Variants in FIG4 observed in about 807,000 individuals in gnomAD.
FIG4 encodes the protein FIG4 phosphoinositide 5-phosphatase.
FIG4 carries 112 observed loss-of-function variants against 118.6 expected under a neutral mutation model. The ratio of observed to expected loss-of-function variants is 0.94; its 90% confidence interval spans 0.81 to 1.11. The LOEUF is 1.11. Ranked by LOEUF, FIG4 falls within the 50% of genes least tolerant of loss-of-function variation. The pLI, the probability that FIG4 is intolerant of heterozygous loss-of-function variation, is 0.00. For synonymous variants in FIG4, 369 were observed against 381.2 expected, an observed-to-expected ratio of 0.97 and a Z score of 0.37; for missense variants, 969 against 1,111.7, an observed-to-expected ratio of 0.87 and a Z score of 1.83.
rs1777775204 is a variant in FIG4, at chr6:109,780,711, T to G, written c.1889+3651T>G. ...ACTGTGTTTATCAATGATACAGGAA[T>G]GGTATAGATAATGGCGTGGCATATC... On this transcript the variant is annotated intron_variant, in intron 16 of 22. Coordinates refer to ENST00000230124, the MANE Select transcript of FIG4 (RefSeq NM_014845.6). Among the ~76,000 whole-genome samples, 3 of 152,210 alleles carry G rather than the reference T, an allele frequency of 2.0e-5. No individual in the cohort carries two copies. In the South Asian group the frequency reaches 6.2e-4, roughly 32 times the overall value.
intron 10 of FIG4, among the ~76,000 whole-genome samples, chr6:109,752,426 A>G (rs1358631944): frequency 1.3e-5 from 2 of 151,846 alleles, no homozygotes; most frequent in Non-Finnish European, 2.9e-5. Context: ...TGACTTCCAC[A>G]ATGGTTGAAC....
chr6:109,803,704 G>A (rs1222498618), intron 22 of FIG4, among the ~76,000 whole-genome samples: 4 of 151,496 alleles, frequency 2.6e-5, no homozygotes, highest in Non-Finnish European at 4.4e-5. Context: ...GTGCCATGTT[G>A]GTGTGCTGCA....
chr6:109,794,320 G>T (rs568258901), intron 21 of FIG4, among the ~76,000 whole-genome samples: 1 of 152,146 alleles, frequency 6.6e-6, no homozygotes, highest in Non-Finnish European at 1.5e-5. Context: ...TCTGGGTACC[G>T]TGGGATTTTA....
intron 10 of FIG4, among the ~76,000 whole-genome samples, chr6:109,752,647 G>C (rs1776746281): frequency 1.3e-5 from 2 of 152,170 alleles, no homozygotes; most frequent in South Asian, 4.1e-4. Flanking sequence ...CTTTTGAGAA[G>C]TGTCTGTTCA....
chr6:109,801,431 C>T (rs1778424137), intron 22 of FIG4, among the ~76,000 whole-genome samples: 1 of 152,064 alleles, frequency 6.6e-6, no homozygotes, highest in African/African-American at 2.4e-5. Context: ...GCCTATAATC[C>T]CAGCTACTCG....
At chr6:109,695,579 TAC>T (rs57747347) in intron 1 of FIG4, among the ~76,000 whole-genome samples, 4,989 of 148,590 alleles carry the variant, frequency 0.034, 288 homozygotes, top group African/African-American at 0.12. Flanking sequence ...ATGCAGTGAA[TAC>T]ACACACACAC....
chr6:109,814,038 G>A, intron 22 of FIG4, among the ~76,000 whole-genome samples: 1 of 152,160 alleles, frequency 6.6e-6, no homozygotes, highest in African/African-American at 2.4e-5. Context: ...AATAAATGTT[G>A]GCTTAAGGTA....
rs1314992466 is a variant in FIG4 at position 109,743,701 on chromosome 6, G to A, written c.1066G>A (p.Val356Met). The change falls in exon 10 of 23, where the codon GTG becomes ATG. Residue 356 changes from valine to methionine, a missense_variant. By Grantham distance (21) the Val-to-Met change is conservative. Transcript: ENST00000230124. Reference sequence around the variant, plus strand: ...GGATCAGGCAGATCCATTTGCACATGTGGCTGCCCTTCACTTTGACCAGAT... The same window carrying A: ...GGATCAGGCAGATCCATTTGCACATATGGCTGCCCTTCACTTTGACCAGAT... ...TLDQADPFAH[V>M]AALHFDQMFQ... 4 of 1,612,708 alleles carry A rather than the reference G, an allele frequency of 2.5e-6. No individual in the cohort carries two copies. The East Asian group carries it at 6.7e-5, about 27-fold the overall frequency.
intron 16 of FIG4, among the ~76,000 whole-genome samples, chr6:109,778,897 C>T (rs1405614708): frequency 2.0e-5 from 3 of 152,168 alleles, no homozygotes; most frequent in Non-Finnish European, 4.4e-5. Flanking sequence ...CCGCGCCCGG[C>T]TTCTTGCAGC....
chr6:109,812,910 A>G (rs1778760310), intron 22 of FIG4, among the ~76,000 whole-genome samples: 1 of 152,196 alleles, frequency 6.6e-6, no homozygotes. Flanking sequence ...AGGGTGAATA[A>G]CTGCAGGAGA....
At position 109,727,246 on chromosome 6, in the gene FIG4, A is replaced by C. The variant is rs1032343628; in HGVS notation, c.427A>C (p.Thr143Pro). ...IYIPNDSVRV[T>P]HPDEARYLRI... ...TATACCCAATGATTCTGTACGGGTT[A>C]CTCATCCTGATGAAGCTAGGTATGT... Residue 143 changes from threonine to proline, a missense_variant, in exon 4 of 23, where the codon ACT (threonine) becomes CCT (proline). Thr to Pro is a conservative substitution (Grantham distance 38, BLOSUM62 -1). Around this residue, in one of 3 missense-constraint regions of FIG4, gnomAD observed 393 missense variants for 409.4 expected, o/e 0.96. Coordinates refer to ENST00000230124, the MANE Select transcript of FIG4 (RefSeq NM_014845.6). 1 of 1,612,402 alleles carries C rather than the reference A, an allele frequency of 6.2e-7. No individual in the cohort carries two copies. Among genetic ancestry groups the C allele is most frequent in the Admixed American group, 1.7e-5 (1 of 59,872 alleles).
chr6:109,815,694 C>T (rs9398217), intron 22 of FIG4, among the ~76,000 whole-genome samples: 56,375 of 151,624 alleles, frequency 0.37, 12,416 homozygotes, highest in East Asian at 0.7. Flanking sequence ...ACATTGTGCT[C>T]CCCAACAGCT....
At chr6:109,815,422 A>C (rs1396229744) in intron 22 of FIG4, among the ~76,000 whole-genome samples, 1 of 147,946 alleles carries the variant, frequency 6.8e-6, no homozygotes, top group Admixed American at 6.7e-5. Flanking sequence ...CCAGGTTCTC[A>C]CTCCCTACAC....
chr6:109,796,376 T>A (rs1469856790), intron 21 of FIG4, among the ~76,000 whole-genome samples: 1 of 152,148 alleles, frequency 6.6e-6, no homozygotes, highest in Non-Finnish European at 1.5e-5. Context: ...TCCTGCATGC[T>A]TCCCCCCATG....
intron 15 of FIG4, among the ~76,000 whole-genome samples, chr6:109,768,601 C>T (rs555666766): frequency 3.9e-5 from 6 of 152,206 alleles, no homozygotes; most frequent in East Asian, 1.9e-4. Flanking sequence ...TCCCAGCCCA[C>T]GTGCTGGCAG....
At position 109,757,025 on chromosome 6, in the gene FIG4, C is replaced by T. The variant is rs1020325808; in HGVS notation, c.1138-3225C>T. Among the ~76,000 whole-genome samples, 4 of 152,244 alleles carry T rather than the reference C, an allele frequency of 2.6e-5. No individual in the cohort carries two copies. The East Asian group carries it at 5.8e-4, about 22-fold the overall frequency. ...AAATGCAGAAATCACCCGTCTTCTG[C>T]GTCGCTCACGCTGGGAGCTGTAGAC... On this transcript the variant is annotated intron_variant, in intron 10 of 22. Coordinates refer to ENST00000230124, the MANE Select transcript of FIG4 (RefSeq NM_014845.6).
intron 6 of FIG4, among the ~76,000 whole-genome samples, chr6:109,735,542 CT>C (rs546461648): frequency 1.7e-3 from 254 of 152,158 alleles, no homozygotes; most frequent in African/African-American, 5.9e-3. Context: ...TATTCACGTA[CT>C]TTTTATTGAA....
At chr6:109,748,291 C>T (rs1368286614) in intron 10 of FIG4, among the ~76,000 whole-genome samples, 3 of 152,072 alleles carry the variant, frequency 2.0e-5, no homozygotes, top group Admixed American at 2.0e-4. Context: ...TTAGTTTTGC[C>T]ACACAGGTGT....
chr6:109,799,363 G>GGT (rs148620264), intron 22 of FIG4, among the ~76,000 whole-genome samples: 1 of 151,934 alleles, frequency 6.6e-6, no homozygotes, highest in Non-Finnish European at 1.5e-5. Context: ...GTGTTTTTGG[G>GGT]GTGTGTGTGT....
Sources: gnomAD v4.1 joint callset for allele counts (sites outside exome capture counted in the v4.1 genomes callset) on GRCh38, gnomAD v4.1.1 for gene constraint, gnomAD v4.1.1 regional missense constraint, MANE v1.5 for transcripts, NCBI Gene and HGNC (gene_info 2026-07-23, HGNC 2026-07-21) for gene names.